The following PARVG variants were observed in gnomAD, a reference collection of about 807,000 sequenced individuals.
The protein encoded by PARVG is gamma-parvin.
Under a neutral mutation model 44.4 loss-of-function variants are expected in PARVG, and 36 were observed. The ratio of observed to expected loss-of-function variants is 0.81; its 90% confidence interval spans 0.62 to 1.07. The LOEUF is 1.07. Ranked by LOEUF, PARVG falls within the 50% of genes least tolerant of loss-of-function variation. The pLI is 0.00. For synonymous variants in PARVG, 170 were observed against 174.1 expected (o/e 0.98, Z 0.19); for missense variants, 407 against 407.4 (o/e 1.00, Z 0.01).
chr22:44,193,835 C>G lies in PARVG; in HGVS notation c.583+12C>G, dbSNP rs1601739737. 1.2e-6 allele frequency: 2 copies of G among 1,614,110 alleles called. No homozygotes were observed. The highest frequency in any genetic ancestry group is 1.7e-6 in the Non-Finnish European group (2 of 1,179,988). ...GGACGAGCCTCCAAGTGAGTACTTT[C>G]ATCATTTTTGGAAATCTGTTCCTAT... On this transcript the variant is annotated intron_variant, in intron 9 of 13. Coordinates refer to ENST00000444313, the MANE Select transcript of PARVG (RefSeq NM_022141.7).
intron 9 of PARVG, among the ~76,000 whole-genome samples, chr22:44,194,791 A>G (rs921927758): frequency 1.3e-5 from 2 of 149,360 alleles, no homozygotes; most frequent in African/African-American, 5.0e-5. Flanking sequence ...TCATCTATCC[A>G]TCCATCCATC....
At chr22:44,173,239 C>G (rs559096164) in intron 1 of PARVG, 43 of 1,192,328 alleles carry the variant, frequency 3.6e-5, no homozygotes, top group East Asian at 1.8e-4. Flanking sequence ...CCAGACCATA[C>G]GTGCACAAAG....
intron 3 of PARVG, chr22:44,183,704 A>G: frequency 2.4e-6 from 1 of 420,364 alleles, no homozygotes; most frequent in Non-Finnish European, 4.2e-6. Context: ...CCTCTTACCA[A>G]TAGCAACTCA....
chr22:44,177,918 A>C (rs2054334241), upstream of PARVG, among the ~76,000 whole-genome samples: 1 of 152,190 alleles, frequency 6.6e-6, no homozygotes. Flanking sequence ...TGTACACTAA[A>C]AAATGTAACT....
chr22:44,196,607 G>T, intron 11 of PARVG, among the ~76,000 whole-genome samples, 192 bp downstream of exon 11: 1 of 32,396 alleles, frequency 3.1e-5, no homozygotes, highest in South Asian at 7.4e-4. Context: ...GTGGGATCCC[G>T]GGGGTGGAGG....
intron 4 of PARVG, chr22:44,187,461 C>T: frequency 2.3e-6 from 1 of 429,660 alleles, no homozygotes; most frequent in South Asian, 2.9e-5. Context: ...TCTTTCCATT[C>T]CCCAAGCCAT....
At chr22:44,200,335 C>A (rs548983073) in intron 12 of PARVG, among the ~76,000 whole-genome samples, 1 of 152,356 alleles carries the variant, frequency 6.6e-6, no homozygotes, top group South Asian at 2.1e-4. Flanking sequence ...TCGCCACCAG[C>A]TCCCTGCCTG....
chr22:44,193,304 T>C (rs1378979675), intron 8 of PARVG, among the ~76,000 whole-genome samples: 1 of 152,138 alleles, frequency 6.6e-6, no homozygotes, highest in East Asian at 1.9e-4. Context: ...ACACGCAGTA[T>C]GGTTTCATTT....
chr22:44,189,295 G>A (rs773151209), intron 6 of PARVG, 41 bp downstream of exon 6: 1 of 1,605,702 alleles, frequency 6.2e-7, no homozygotes, highest in African/African-American at 1.3e-5. Flanking sequence ...GGAGTGTGGG[G>A]CCGCTGGGGT....
chr22:44,189,101 C>T lies in PARVG; in HGVS notation c.248-13C>T, dbSNP rs769936871. 4.3e-6 allele frequency: 7 copies of T among 1,613,800 alleles called. No homozygotes were observed. The highest frequency in any genetic ancestry group is 1.6e-4 in the Middle Eastern group (1 of 6,084). On this transcript the variant is annotated splice_polypyrimidine_tract_variant and intron_variant, in intron 5 of 13. Transcript: ENST00000444313. ...CCCGGCCAGGGGTCCTCACCACCCT[C>T]TCCTGCCTCCAGAGAGGCTGGCGGC...
chr22:44,207,021 A>G lies in PARVG; in HGVS notation c.*595A>G, dbSNP rs1311126921. 1 of 153,502 alleles carries G rather than the reference A, an allele frequency of 6.5e-6. No individual in the cohort carries two copies. The highest frequency in any genetic ancestry group is 1.4e-5 in the Non-Finnish European group (1 of 69,250). 9.5% of individuals were successfully genotyped at this position (153,502 alleles called of 1,614,324 possible). ...CAGCTGCCCTCGTGAGTTTTGCCCA[A>G]AAGTCACAAAGAAGCAATCTTCGTG... On this transcript the variant is annotated 3_prime_UTR_variant, in exon 14 of 14. Transcript: ENST00000444313.
intron 1 of PARVG, among the ~76,000 whole-genome samples, chr22:44,175,374 C>T (rs1028733901): frequency 6.6e-6 from 1 of 152,208 alleles, no homozygotes; most frequent in Non-Finnish European, 1.5e-5. Context: ...AGGAAGGGAC[C>T]TTCTGAGGTC....
intron 9 of PARVG, among the ~76,000 whole-genome samples, chr22:44,195,898 G>A (rs746024600): frequency 1.3e-5 from 2 of 152,188 alleles, no homozygotes; most frequent in Non-Finnish European, 2.9e-5. Flanking sequence ...GGCCATGTGT[G>A]TTATCTGCTA....
intron 3 of PARVG, 105 bp downstream of exon 3, chr22:44,183,513 C>A: frequency 9.0e-7 from 1 of 1,114,268 alleles, no homozygotes; most frequent in Non-Finnish European, 1.2e-6. Context: ...GTCAGCTGAG[C>A]GCCCAATTCT....
rs371266937 is a variant in PARVG, at chr22:44,186,389, A to G, written c.144+517A>G. On this transcript the variant is annotated intron_variant, in intron 4 of 13. Coordinates refer to ENST00000444313, the MANE Select transcript of PARVG (RefSeq NM_022141.7). ...TATGGCCACTGGACCAGCTCGGCAC[A>G]GGTGGGCTCCAGGCCTCTGTTTCCC... 9.0e-5 allele frequency: 33 copies of G among 365,064 alleles called. 1 individual carries two copies. The highest frequency in any genetic ancestry group is 7.4e-4 in the East Asian group (10 of 13,524). 22.6% of individuals were successfully genotyped at this position (365,064 alleles called of 1,614,324 possible).
At chr22:44,204,638 G>A (rs570030730) in intron 12 of PARVG, among the ~76,000 whole-genome samples, 1 of 152,388 alleles carries the variant, frequency 6.6e-6, no homozygotes, top group East Asian at 1.9e-4. Context: ...CTGGCCTCTT[G>A]GCCCCTGGCG....
chr22:44,174,726 A>C (rs917518733), intron 1 of PARVG, among the ~76,000 whole-genome samples: 1 of 151,864 alleles, frequency 6.6e-6, no homozygotes, highest in Non-Finnish European at 1.5e-5. Flanking sequence ...ACAGAGTGAG[A>C]CTCTGCCTCA....
chr22:44,198,965 T>TCCACCCACCCACCCACCCACCCACCCAC (rs2054665277), intron 12 of PARVG, among the ~76,000 whole-genome samples: 1 of 80,314 alleles, frequency 1.2e-5, no homozygotes, highest in Non-Finnish European at 3.4e-5. Flanking sequence ...CATCCATCCA[T>TCCACCCACCCACCCACCCACCCACCCAC]CCATCCATCC....
At chr22:44,173,717 C>A (rs2054292364) in intron 1 of PARVG, among the ~76,000 whole-genome samples, 1 of 152,220 alleles carries the variant, frequency 6.6e-6, no homozygotes, top group South Asian at 2.1e-4. Context: ...CTTTCAAAGT[C>A]AGCCATTGTC....
Sources: gnomAD v4.1 joint callset for allele counts (sites outside exome capture counted in the v4.1 genomes callset) on GRCh38, gnomAD v4.1.1 for gene constraint, MANE v1.5 for transcripts, NCBI Gene and HGNC (gene_info 2026-07-23, HGNC 2026-07-21) for gene names.